The following AP1S2 variants were observed in gnomAD, a reference collection of about 807,000 sequenced individuals.
AP1S2 encodes the protein AP-1 complex subunit sigma-2.
In AP1S2, 1 loss-of-function variant was observed where a neutral mutation model predicts 14.3. The observed-to-expected ratio is 0.07, with a 90% CI of 0.02 to 0.33. The LOEUF (loss-of-function observed/expected upper bound fraction) is 0.33, where lower values mean the gene tolerates loss of function less well. AP1S2 is among the 10% of genes least tolerant of loss of function. The pLI is 0.99. For synonymous variants in AP1S2, 30 were observed against 40.5 expected (o/e 0.74, Z 0.99); for missense variants, 30 against 117.7 (o/e 0.25, Z 3.45).
At chrX:15,839,011 G>A (rs759358668) in intron 4 of AP1S2, among the ~76,000 whole-genome samples, 1 of 111,947 alleles carries the variant, frequency 8.9e-6, no homozygotes, top group Non-Finnish European at 1.9e-5. Context: ...GCCTTCCAAA[G>A]TGCTGGGATT....
intron 1 of AP1S2, among the ~76,000 whole-genome samples, chrX:15,854,324 G>A (rs1482446421): frequency 1.8e-5 from 2 of 112,224 alleles, no homozygotes; most frequent in Admixed American, 9.3e-5. Context: ...AGAGGTGACA[G>A]GCAAGGAGCG....
intron 4 of AP1S2, among the ~76,000 whole-genome samples, chrX:15,834,452 AT>A (rs1933541916): frequency 3.2e-4 from 9 of 28,107 alleles, no homozygotes; most frequent in African/African-American, 7.7e-4. Context: ...ATATATATAT[AT>A]ATATATATAT....
At chrX:15,843,238 T>C (rs1291948812) in intron 4 of AP1S2, among the ~76,000 whole-genome samples, 2 of 111,599 alleles carry the variant, frequency 1.8e-5, no homozygotes, top group African/African-American at 3.3e-5. Flanking sequence ...CTAAGGCCCA[T>C]AGCAATTTCC....
rs767384625 is a variant in AP1S2, at chrX:15,853,342, A to C, written c.1-818T>G. On this transcript the variant is annotated intron_variant, in intron 1 of 5. Coordinates refer to ENST00000672987, the MANE Select transcript of AP1S2 (RefSeq NM_001272071.2). The stretch of plus-strand genomic sequence containing the variant: ...TTCTAGTGTGTTTTATACTTAAACT[A>C]ATTTGTATGTATTTATTTGTGATCT... 5.9e-4 allele frequency among the ~76,000 whole-genome samples: 67 copies of C among 112,747 alleles called. 1 individual carries two copies. In the Admixed American group the frequency reaches 6.1e-3, roughly 10 times the overall value.
chrX:15,848,954 C>A (rs1474275366), intron 2 of AP1S2, among the ~76,000 whole-genome samples: 8 of 111,901 alleles, frequency 7.1e-5, no homozygotes, highest in Non-Finnish European at 1.5e-4. Context: ...AATTATCAAG[C>A]TAGTAATTTG....
At chrX:15,845,077 C>A in intron 4 of AP1S2, 1 of 753,713 alleles carries the variant, frequency 1.3e-6, no homozygotes, top group Non-Finnish European at 1.6e-6. Context: ...CTACTTTCAG[C>A]CAATCTTTTC....
At chrX:15,852,316 T>C in intron 2 of AP1S2, 30 bp downstream of exon 2, 1 of 1,188,098 alleles carries the variant, frequency 8.4e-7, no homozygotes, top group South Asian at 1.8e-5. Context: ...TTTGATTCTA[T>C]TTCACCTTTC....
intron 4 of AP1S2, among the ~76,000 whole-genome samples, chrX:15,834,481 A>ATATATATATATATATATATATAAT (rs1569080380): frequency 2.3e-4 from 3 of 13,010 alleles, no homozygotes; most frequent in African/African-American, 8.3e-4. Flanking sequence ...TATATATATA[A>ATATATATATATATATATATATAAT]TTTTTTTTTT....
At chrX:15,840,651 A>T in intron 4 of AP1S2, 2 of 685,986 alleles carry the variant, frequency 2.9e-6, no homozygotes, top group Non-Finnish European at 4.1e-6. Context: ...AAAAAAAGCC[A>T]TACTATTATT....
chrX:15,852,736 A>G (rs1480586976), intron 1 of AP1S2: 1 of 390,690 alleles, frequency 2.6e-6, no homozygotes, highest in Non-Finnish European at 3.2e-6. Flanking sequence ...CTTGTTCCAC[A>G]TTAAGTTTGA....
At chrX:15,836,700 G>A (rs945072375) in intron 4 of AP1S2, among the ~76,000 whole-genome samples, 6 of 111,242 alleles carry the variant, frequency 5.4e-5, no homozygotes, top group Non-Finnish European at 1.1e-4. Flanking sequence ...TGACAACATG[G>A]CGAGACCCCA....
intron 1 of AP1S2, among the ~76,000 whole-genome samples, chrX:15,854,485 C>G (rs976670692): frequency 3.6e-5 from 4 of 111,763 alleles, no homozygotes; most frequent in Non-Finnish European, 7.6e-5. Context: ...GGGACTGGCC[C>G]CCACATCCCC....
chrX:15,852,202 T>C, intron 2 of AP1S2, 144 bp downstream of exon 2: 1 of 569,703 alleles, frequency 1.8e-6, no homozygotes, highest in East Asian at 3.7e-5. Context: ...CTAGTTATTT[T>C]AAAAACACAA....
chrX:15,854,621 G>T, intron 1 of AP1S2, 67 bp downstream of exon 1: 1 of 488,212 alleles, frequency 2.0e-6, no homozygotes, highest in East Asian at 1.9e-4. Flanking sequence ...GGTGGCGGGG[G>T]GCGCGCCCAG....
chrX:15,846,184 T>C (rs1047229011), intron 2 of AP1S2, among the ~76,000 whole-genome samples, 173 bp from the exon 3 acceptor site: 20 of 112,233 alleles, frequency 1.8e-4, no homozygotes, highest in African/African-American at 5.8e-4. Flanking sequence ...ACAGAAATTT[T>C]GAAAAGCATA....
Position 15,844,853 on chromosome X carries a change from A to G in AP1S2, c.426+526T>C, listed in dbSNP as rs1933952213. On this transcript the variant is annotated intron_variant, in intron 4 of 5. Coordinates refer to ENST00000672987, the MANE Select transcript of AP1S2 (RefSeq NM_001272071.2). ...CAAATACTGTTTAGTTTTGCTAACA[A>G]AAAAAACCTGGAAGTTTCTACAAAA... The G allele has an allele frequency of 1.2e-5, 4 of 336,798 alleles. No individual in the cohort carries two copies. In the Admixed American group the frequency reaches 3.7e-4, roughly 31 times the overall value. The allele number at this position is 336,798 out of a possible 1,213,427, so 27.8% of individuals were successfully genotyped here. A position where few individuals can be genotyped will look rare whatever the true frequency, so the allele number is the denominator to read the frequency against.
chrX:15,844,133 C>T (rs1382677135), intron 4 of AP1S2, among the ~76,000 whole-genome samples: 1 of 112,636 alleles, frequency 8.9e-6, no homozygotes, highest in East Asian at 2.8e-4. Flanking sequence ...GATGTCATCT[C>T]AACTTCAAGC....
At chrX:15,840,984 A>ACTTTTATTT (rs1933813237) in intron 4 of AP1S2, among the ~76,000 whole-genome samples, 1 of 112,351 alleles carries the variant, frequency 8.9e-6, no homozygotes, top group Non-Finnish European at 1.9e-5. Context: ...GAAATGTCAA[A>ACTTTTATTT]ACTAATCCTT....
At chrX:15,832,132 C>T in intron 4 of AP1S2, 2 of 749,725 alleles carry the variant, frequency 2.7e-6, no homozygotes. Flanking sequence ...ATCCTCAAGA[C>T]AGATTTTAAC....
Sources: allele counts gnomAD v4.1 joint callset (sites outside exome capture counted in the v4.1 genomes callset), GRCh38; gene constraint gnomAD v4.1.1; transcripts MANE v1.5; gene names NCBI Gene and HGNC (gene_info 2026-07-23, HGNC 2026-07-21).